PTPRD: variants seen among roughly 807,000 people sequenced by gnomAD.
PTPRD encodes the protein receptor-type tyrosine-protein phosphatase delta.
Under a neutral mutation model 214.5 loss-of-function variants are expected in PTPRD, and 34 were observed. That is an observed-to-expected ratio of 0.16 (90% CI 0.12 to 0.21). The LOEUF (loss-of-function observed/expected upper bound fraction) is 0.21. Among genes scored for constraint, PTPRD ranks in the 10% least tolerant of loss-of-function variants. The pLI is 1.00. For missense variants in PTPRD, 2,545 were observed against 2,398.7 expected, an observed-to-expected ratio of 1.06 and a Z score of -1.27; for synonymous variants, 1,128 against 845.7, an observed-to-expected ratio of 1.33 and a Z score of -5.79.
chr9:9,910,807 A>G (rs1301263842), intron 5 of PTPRD, among the ~76,000 whole-genome samples: 1 of 151,918 alleles, frequency 6.6e-6, no homozygotes, highest in Non-Finnish European at 1.5e-5. Context: ...AAGTCATGAG[A>G]CTCCTAATGG....
chr9:8,471,919 G>C (rs976238171), intron 30 of PTPRD, among the ~76,000 whole-genome samples: 1 of 152,078 alleles, frequency 6.6e-6, no homozygotes, highest in East Asian at 1.9e-4. Context: ...CTGATCTTTA[G>C]TAGTAACTAT....
intron 2 of PTPRD, among the ~76,000 whole-genome samples, chr9:10,344,891 T>G (rs2097037566): frequency 6.6e-6 from 1 of 152,308 alleles, no homozygotes; most frequent in Admixed American, 6.5e-5. Flanking sequence ...AATAAATAAT[T>G]TTCTCATGCC....
At chr9:10,266,728 T>A (rs890349474) in intron 3 of PTPRD, among the ~76,000 whole-genome samples, 2 of 152,006 alleles carry the variant, frequency 1.3e-5, no homozygotes, top group Non-Finnish European at 2.9e-5. Flanking sequence ...TAGCACTGCA[T>A]TGCAGGCTAA....
At chr9:9,826,991 A>G (rs1489527853) in intron 5 of PTPRD, among the ~76,000 whole-genome samples, 1 of 152,242 alleles carries the variant, frequency 6.6e-6, no homozygotes, top group South Asian at 2.1e-4. Context: ...TCACTGCTCA[A>G]TGAAATAAAT....
intron 7 of PTPRD, among the ~76,000 whole-genome samples, chr9:9,601,449 A>G (rs990951502): frequency 2.0e-5 from 3 of 152,074 alleles, no homozygotes; most frequent in Non-Finnish European, 4.4e-5. Context: ...CACCATATAT[A>G]AACATATAAA....
chr9:9,673,791 C>T (rs1043246213), intron 7 of PTPRD, among the ~76,000 whole-genome samples: 6 of 150,246 alleles, frequency 4.0e-5, no homozygotes, highest in African/African-American at 1.5e-4. Context: ...CCAAAAAGAT[C>T]AGGAAAGACA....
intron 2 of PTPRD, among the ~76,000 whole-genome samples, chr9:10,508,840 T>C (rs964872755): frequency 6.6e-6 from 1 of 152,074 alleles, no homozygotes; most frequent in Non-Finnish European, 1.5e-5. Context: ...ATATACCTAA[T>C]ATAAATGACG....
intron 39 of PTPRD, among the ~76,000 whole-genome samples, chr9:8,365,438 C>T (rs1457085876): frequency 6.6e-6 from 1 of 152,144 alleles, no homozygotes; most frequent in East Asian, 1.9e-4. Flanking sequence ...TTTTTTCCTA[C>T]TTTCTTACCT....
chr9:8,352,894 C>T (rs2075902465), intron 39 of PTPRD, among the ~76,000 whole-genome samples: 1 of 152,036 alleles, frequency 6.6e-6, no homozygotes, highest in African/African-American at 2.4e-5. Context: ...GGACGGATCA[C>T]GAAGTTAAGA....
chr9:10,093,695 G>T (rs1490867742), intron 3 of PTPRD, among the ~76,000 whole-genome samples: 1 of 151,378 alleles, frequency 6.6e-6, no homozygotes, highest in African/African-American at 2.4e-5. Flanking sequence ...ATCAACCCAG[G>T]TGCCCATCTA....
intron 7 of PTPRD, among the ~76,000 whole-genome samples, chr9:9,679,777 C>A (rs1305693521): frequency 1.3e-5 from 2 of 151,880 alleles, no homozygotes; most frequent in African/African-American, 4.8e-5. Flanking sequence ...AATGCAATTG[C>A]ATTTCAGTGA....
rs539626538 is a variant in PTPRD, at chr9:9,258,005, T to A, written c.-202-74642A>T. Among the ~76,000 whole-genome samples, 7 of 152,082 alleles carry A rather than the reference T, an allele frequency of 4.6e-5. No homozygotes were observed. The South Asian group carries it at 6.2e-4, about 13-fold the overall frequency. ...TTAGAAAATCAGCTGTTAAATTTAA[T>A]ATAATTTGGCTTTTGGCTTTAGTGG... On this transcript the variant is annotated intron_variant, in intron 9 of 45. Coordinates refer to ENST00000381196, the MANE Select transcript of PTPRD (RefSeq NM_002839.4).
chr9:9,807,044 C>G (rs753845565), intron 5 of PTPRD, among the ~76,000 whole-genome samples: 1 of 152,152 alleles, frequency 6.6e-6, no homozygotes, highest in Non-Finnish European at 1.5e-5. Context: ...ATACTCGGAT[C>G]TCTCAAGTCA....
chr9:9,251,578 G>A (rs1252082987), intron 9 of PTPRD, among the ~76,000 whole-genome samples: 1 of 151,872 alleles, frequency 6.6e-6, no homozygotes, highest in African/African-American at 2.4e-5. Context: ...GGCAAATATT[G>A]CATTTGGTAT....
At chr9:9,043,669 C>A (rs2154385291) in intron 10 of PTPRD, among the ~76,000 whole-genome samples, 1 of 152,124 alleles carries the variant, frequency 6.6e-6, no homozygotes, top group East Asian at 1.9e-4. Context: ...TTTGTGAGGC[C>A]AAGGCAGGCG....
chr9:8,892,723 AT>A (rs200742795), intron 11 of PTPRD, among the ~76,000 whole-genome samples: 2,588 of 149,852 alleles, frequency 0.017, 99 homozygotes, highest in African/African-American at 0.06. Context: ...ATGTGTATAT[AT>A]ATATATATGT....
At chr9:10,538,814 T>A (rs1422718744) in intron 2 of PTPRD, among the ~76,000 whole-genome samples, 1 of 152,202 alleles carries the variant, frequency 6.6e-6, no homozygotes, top group Non-Finnish European at 1.5e-5. Context: ...ACAGATCTTA[T>A]AATTGAAAAC....
At chr9:9,171,040 TG>T (rs2099913578) in intron 10 of PTPRD, among the ~76,000 whole-genome samples, 1 of 152,184 alleles carries the variant, frequency 6.6e-6, no homozygotes, top group Non-Finnish European at 1.5e-5. Context: ...TGCCACATTG[TG>T]GTACCACCAG....
At chr9:9,387,655 A>T (rs2064318746) in intron 9 of PTPRD, among the ~76,000 whole-genome samples, 1 of 152,090 alleles carries the variant, frequency 6.6e-6, no homozygotes. Flanking sequence ...GGCACTTCTG[A>T]AAGTGATAGT....
Sources: allele counts gnomAD v4.1 joint callset (sites outside exome capture counted in the v4.1 genomes callset), GRCh38; gene constraint gnomAD v4.1.1; transcripts MANE v1.5; gene names NCBI Gene and HGNC (gene_info 2026-07-23, HGNC 2026-07-21).